The following SMC2 variants were observed in gnomAD, a reference collection of about 807,000 sequenced individuals.
SMC2 encodes structural maintenance of chromosomes 2.
Under a neutral mutation model 142.6 loss-of-function variants are expected in SMC2, and 41 were observed. The ratio of observed to expected loss-of-function variants is 0.29; its 90% CI spans 0.22 to 0.37. The LOEUF (loss-of-function observed/expected upper bound fraction) is 0.37. Ranked by LOEUF, SMC2 falls within the 10% of genes least tolerant of loss-of-function variation. The pLI is 1.00. For synonymous variants in SMC2, 463 were observed against 457.5 expected, an observed-to-expected ratio of 1.01 and a Z score of -0.15; for missense variants, 1,265 against 1,373.7, an observed-to-expected ratio of 0.92 and a Z score of 1.25.
chr9:104,139,595 G>A lies in SMC2; in HGVS notation c.*280G>A, dbSNP rs576231831. 8.3e-5 allele frequency: 20 copies of A among 240,736 alleles called. No individual in the cohort carries two copies. The highest frequency in any genetic ancestry group is 4.1e-4 in the African/African-American group (18 of 43,986). The allele number at this position is 240,736 out of a possible 1,614,324, so 14.9% of individuals were successfully genotyped here. A position where few individuals can be genotyped will look rare whatever the true frequency, so the allele number is the denominator to read the frequency against. Reference sequence around the variant, plus strand: ...ATATATTAGGGATCCTGAGATACCCGATTCTATATGTAAAAGCTAATATAC... The same window carrying A: ...ATATATTAGGGATCCTGAGATACCCAATTCTATATGTAAAAGCTAATATAC... On this transcript the variant is annotated 3_prime_UTR_variant, in exon 25 of 25. Coordinates refer to ENST00000374793, the MANE Select transcript of SMC2 (RefSeq NM_006444.3).
intron 10 of SMC2, 88 bp from the exon 11 acceptor site, chr9:104,113,228 A>C: frequency 2.1e-6 from 2 of 973,858 alleles, no homozygotes; most frequent in Non-Finnish European, 2.9e-6. Flanking sequence ...AAGGTCTCTT[A>C]GTAAAACCAA....
chr9:104,091,496 G>A (rs1356976873), upstream of SMC2, among the ~76,000 whole-genome samples: 2 of 152,104 alleles, frequency 1.3e-5, no homozygotes, highest in Non-Finnish European at 2.9e-5. Flanking sequence ...AGTGCTGCCA[G>A]GCCACTGCCC....
intron 22 of SMC2, among the ~76,000 whole-genome samples, chr9:104,132,462 C>A (rs1238276726): frequency 6.6e-6 from 1 of 152,104 alleles, no homozygotes; most frequent in South Asian, 2.1e-4. Flanking sequence ...ACTTCTACTT[C>A]CCTGACTTCA....
the SMC2 span, among the ~76,000 whole-genome samples, chr9:104,088,494 G>A: frequency 1.3e-5 from 2 of 152,070 alleles, no homozygotes; most frequent in Non-Finnish European, 2.9e-5. Context: ...CAGATTTGGG[G>A]TTTAAATACA....
Position 104,113,376 on chromosome 9 carries a change from A to C in SMC2, c.1315A>C (p.Lys439Gln). The C allele has an allele frequency of 6.2e-7, 1 of 1,612,260 alleles. No individual in the cohort carries two copies. The highest frequency in any genetic ancestry group is 1.1e-5 in the South Asian group (1 of 90,878). The change falls in exon 11 of 25, where the codon AAG (lysine) becomes CAG (glutamine). Residue 439 changes from lysine (K) to glutamine (Q), a missense_variant. This residue lies in a region of SMC2 where 898 missense variants were observed against 904.2 expected (regional missense o/e 0.99). Coordinates refer to ENST00000374793, the MANE Select transcript of SMC2 (RefSeq NM_006444.3). Reference sequence around the variant, plus strand: ...AAAGAATAAACAAGCTGAAGTTAAGAAGATGGATAGTGGCTACAGGAAGGA... The same window carrying C: ...AAAGAATAAACAAGCTGAAGTTAAGCAGATGGATAGTGGCTACAGGAAGGA... The part of the protein sequence containing the change: ...ELKNKQAEVK[K>Q]MDSGYRKDQE...
chr9:104,096,897 CATCT>C (rs946791823), intron 3 of SMC2, among the ~76,000 whole-genome samples: 1 of 152,146 alleles, frequency 6.6e-6, no homozygotes, highest in African/African-American at 2.4e-5. Context: ...CTCCTGCATT[CATCT>C]ATCTTTCTTT....
At chr9:104,091,068 G>A (rs1034681598), upstream of SMC2, among the ~76,000 whole-genome samples, 13 of 152,090 alleles carry the variant, frequency 8.5e-5, no homozygotes, top group African/African-American at 3.1e-4. Flanking sequence ...ACTTAGCTGT[G>A]TTTCTTTGCA....
intron 3 of SMC2, among the ~76,000 whole-genome samples, chr9:104,097,888 TGA>T (rs1830635374): frequency 6.6e-6 from 1 of 152,186 alleles, no homozygotes; most frequent in Admixed American, 6.5e-5. Context: ...ATCTGGTAGA[TGA>T]GACAATCATA....
At chr9:104,117,670 A>C (rs1833275555) in intron 14 of SMC2, among the ~76,000 whole-genome samples, 1 of 152,092 alleles carries the variant, frequency 6.6e-6, no homozygotes, top group Non-Finnish European at 1.5e-5. Flanking sequence ...TAGGTTAAGC[A>C]CTCCAAGTCC....
chr9:104,123,612 G>A (rs1347321501), intron 17 of SMC2, among the ~76,000 whole-genome samples: 1 of 151,982 alleles, frequency 6.6e-6, no homozygotes, highest in Non-Finnish European at 1.5e-5. Flanking sequence ...TTGGACCTTT[G>A]GGTTTATACT....
At chr9:104,097,566 C>T (rs570251996) in intron 3 of SMC2, among the ~76,000 whole-genome samples, 2 of 148,968 alleles carry the variant, frequency 1.3e-5, no homozygotes, top group African/African-American at 4.9e-5. Flanking sequence ...TGTTCCATGT[C>T]ATTAGGCATC....
rs767697615 is a variant in SMC2, at chr9:104,118,274, A to G, written c.1895A>G (p.Asn632Ser). The G allele has an allele frequency of 2.0e-5, 33 of 1,613,678 alleles. No individual in the cohort carries two copies. The Middle Eastern group carries it at 4.9e-4, about 24-fold the overall frequency. The change falls in exon 15 of 25, where the codon AAT becomes AGT. Residue 632 changes from asparagine (N) to serine (S), a missense_variant. Physicochemically the swap from Asn to Ser is conservative, Grantham distance 46. Coordinates refer to ENST00000374793, the MANE Select transcript of SMC2 (RefSeq NM_006444.3). ...TTTGGAACAACATTTGTTTGTGACAATATGGATAATGCCAAAAAAGTGGCC... is the reference window on the plus strand; with the variant it reads ...TTTGGAACAACATTTGTTTGTGACAGTATGGATAATGCCAAAAAAGTGGCC... ...FVFGTTFVCD[N>S]MDNAKKVAFD... is the part of the protein sequence containing the mutation.
In SMC2 at chr9:104,113,977, A is replaced by G. The variant is rs1185796396; in HGVS notation, c.1428A>G (p.Glu476=). 1 of 1,578,052 alleles carries G rather than the reference A, an allele frequency of 6.3e-7. No individual in the cohort carries two copies. The part of the protein sequence containing the change: ...KKLNYEENKE[E]SLLEKRRQLS... Reference sequence around the variant, plus strand: ...TTTATCCTTCAGAAAATAAAGAGGAAAGCCTTTTGGAAAAGCGCAGGCAGC... The same window carrying G: ...TTTATCCTTCAGAAAATAAAGAGGAGAGCCTTTTGGAAAAGCGCAGGCAGC... The change falls in exon 12 of 25, where the codon GAA becomes GAG. Residue 476 remains glutamate, a synonymous_variant. Coordinates refer to ENST00000374793, the MANE Select transcript of SMC2 (RefSeq NM_006444.3).
chr9:104,094,535 C>G (rs1285541571), intron 1 of SMC2, 58 bp downstream of exon 1: 2 of 229,518 alleles, frequency 8.7e-6, no homozygotes, highest in Non-Finnish European at 7.4e-6. Context: ...TGGCGGGAGG[C>G]GGGAGGCGGG....
At chr9:104,106,562 T>G (rs7861359) in intron 9 of SMC2, among the ~76,000 whole-genome samples, 8,609 of 151,856 alleles carry the variant, frequency 0.057, 654 homozygotes, top group African/African-American at 0.18. Context: ...CCTGGCTAAT[T>G]TTGTATTTTT....
Position 104,102,454 on chromosome 9 carries a change from G to A in SMC2, c.901G>A (p.Asp301Asn). 6.2e-7 allele frequency: 1 copy of A among 1,610,486 alleles called. No homozygotes were observed. The highest frequency in any genetic ancestry group is 8.5e-7 in the Non-Finnish European group (1 of 1,178,706). The change falls in exon 9 of 25, where the codon GAT becomes AAT. Residue 301 changes from aspartate (D) to asparagine (N), a missense_variant. Physicochemically the swap from Asp to Asn is conservative, Grantham distance 23. Transcript: ENST00000374793. ...TGGAGGTATACTTCGATCTTTAGAA[G>A]ATGCTCTTGCAGAGGCTCAGCGAGT... ...ETGGILRSLE[D>N]ALAEAQRVNT...
intron 4 of SMC2, 30 bp from the exon 5 acceptor site, chr9:104,099,614 A>T (rs1830884588): frequency 2.1e-6 from 3 of 1,422,352 alleles, no homozygotes; most frequent in African/African-American, 2.8e-5. Context: ...GTAATTTGTT[A>T]TCTTAGTAAG....
chr9:104,091,927 T>C (rs992289912), upstream of SMC2, among the ~76,000 whole-genome samples: 11 of 152,206 alleles, frequency 7.2e-5, no homozygotes, highest in Non-Finnish European at 1.3e-4. Context: ...CTTGAAACAC[T>C]GCCCGCTAGC....
intron 6 of SMC2, 89 bp from the exon 7 acceptor site, chr9:104,100,300 T>C (rs1830960624): frequency 2.9e-6 from 4 of 1,392,874 alleles, no homozygotes; most frequent in African/African-American, 3.0e-5. Flanking sequence ...CTTGGTTCAG[T>C]TTTCCATAGT....
Sources: gnomAD v4.1 joint callset for allele counts (sites outside exome capture counted in the v4.1 genomes callset) on GRCh38, gnomAD v4.1.1 for gene constraint, gnomAD v4.1.1 regional missense constraint, MANE v1.5 for transcripts, NCBI Gene and HGNC (gene_info 2026-07-23, HGNC 2026-07-21) for gene names.